The following COQ8A variants were observed in gnomAD, a reference collection of about 807,000 sequenced individuals.
The protein encoded by COQ8A is atypical kinase COQ8A, mitochondrial.
A neutral mutation model predicts 65.0 loss-of-function variants in COQ8A; 51 were observed. That is an observed-to-expected ratio of 0.78 (90% CI 0.63 to 0.99). The LOEUF (loss-of-function observed/expected upper bound fraction) is 0.99, where lower values mean the gene tolerates loss of function less well. COQ8A is among the 50% of genes least tolerant of loss of function. The pLI, the probability that COQ8A is intolerant of heterozygous loss-of-function variation, is 0.00. For synonymous variants in COQ8A, 371 were observed against 353.2 expected (o/e 1.05, Z -0.57); for missense variants, 940 against 875.0 (o/e 1.07, Z -0.94).
chr1:226,982,767 AG>A lies in COQ8A; in HGVS notation c.939+6del, dbSNP rs1426499910. ...CATGCCACTGAAGCAGATGATGGTG[AG>A]GAGCCAGGGGCTCTGCCCACTCTCT... is the stretch of plus-strand genomic sequence containing the variant. On this transcript the variant is annotated splice_donor_5th_base_variant and intron_variant, in intron 7 of 14. Transcript: ENST00000366777. 1 of 1,613,512 alleles carries A rather than the reference AG, an allele frequency of 6.2e-7. No homozygotes were observed. The highest frequency in any genetic ancestry group is 8.5e-7 in the Non-Finnish European group (1 of 1,179,986).
intron 4 of COQ8A, among the ~76,000 whole-genome samples, chr1:226,975,255 T>TGTA (rs1442080185): frequency 6.6e-6 from 1 of 152,168 alleles, no homozygotes; most frequent in African/African-American, 2.4e-5. Flanking sequence ...AAAGAGCTGA[T>TGTA]GTACCTGCCA....
Position 226,949,067 on chromosome 1 carries a change from A to T in COQ8A, c.-10+8668A>T, listed in dbSNP as rs1657212894. Among the ~76,000 whole-genome samples, 1 of 152,016 alleles carries T rather than the reference A, an allele frequency of 6.6e-6. No individual in the cohort carries two copies. Among genetic ancestry groups the T allele is most frequent in the South Asian group, 2.1e-4 (1 of 4,794 alleles). ...AGGGCAGAGCTGATTCCCAGCCCCAAGGCCCCAAGGCCCTCACCCTTGGCT... is the reference window on the plus strand; with the variant it reads ...AGGGCAGAGCTGATTCCCAGCCCCATGGCCCCAAGGCCCTCACCCTTGGCT... On this transcript the variant is annotated intron_variant, in intron 1 of 14. Transcript: ENST00000366777. The surrounding 1 kb of genome is among the most constrained non-coding windows in gnomAD (Gnocchi z 4.0).
At chr1:226,944,730 AGAGAGAGAGAGAGAGAGAGT>A (rs1558176575) in intron 1 of COQ8A, among the ~76,000 whole-genome samples, 196 of 30,960 alleles carry the variant, frequency 6.3e-3, no homozygotes, top group African/African-American at 0.011. Context: ...AGAGAGAGAG[AGAGAGAGAGAGAGAGAGAGT>A]GAGAGAGAGA....
intron 8 of COQ8A, 35 bp downstream of exon 8, chr1:226,983,069 G>A (rs950274116): frequency 2.6e-6 from 4 of 1,557,460 alleles, no homozygotes; most frequent in African/African-American, 1.4e-5. Context: ...TGTCCCTATG[G>A]GGGCTGCAAG....
At chr1:226,958,530 G>A (rs1013684422) in intron 1 of COQ8A, among the ~76,000 whole-genome samples, 2 of 152,176 alleles carry the variant, frequency 1.3e-5, no homozygotes, top group African/African-American at 2.4e-5. Flanking sequence ...GGCATGCCAC[G>A]CTGCCATGAG....
At chr1:226,950,501 C>T (rs144233494) in intron 1 of COQ8A, among the ~76,000 whole-genome samples, 4 of 152,334 alleles carry the variant, frequency 2.6e-5, no homozygotes, top group South Asian at 4.1e-4. Context: ...TGTGTGACTT[C>T]GGGCAAATTA....
At chr1:226,948,883 A>C (rs1426054497) in intron 1 of COQ8A, among the ~76,000 whole-genome samples, 1 of 152,198 alleles carries the variant, frequency 6.6e-6, no homozygotes, top group Non-Finnish European at 1.5e-5. Flanking sequence ...CTGAATAGGA[A>C]TACGTTCTTG....
At chr1:226,983,991 C>T (rs908262644) in intron 10 of COQ8A, 103 bp from the exon 11 acceptor site, 2 of 1,567,016 alleles carry the variant, frequency 1.3e-6, no homozygotes, top group Non-Finnish European at 1.7e-6. Context: ...CCATATCCTG[C>T]CTGGGGTGAA....
chr1:226,982,242 A>C (rs1558205388), intron 6 of COQ8A, 93 bp downstream of exon 6: 4 of 1,500,358 alleles, frequency 2.7e-6, no homozygotes, highest in Non-Finnish European at 3.6e-6. Context: ...ACCAAAGCTC[A>C]GTGGGCAAGA....
At chr1:226,978,250 TACAC>T (rs1659395061) in intron 5 of COQ8A, among the ~76,000 whole-genome samples, 1 of 78,854 alleles carries the variant, frequency 1.3e-5, no homozygotes, top group South Asian at 4.6e-4. Flanking sequence ...CACACCTGCT[TACAC>T]AGCCTCCGCA....
intron 5 of COQ8A, among the ~76,000 whole-genome samples, chr1:226,980,639 G>A (rs2148120292): frequency 6.6e-6 from 1 of 152,336 alleles, no homozygotes; most frequent in Middle Eastern, 3.4e-3. Flanking sequence ...TCTTGGACTC[G>A]CTCTGCCCAT....
intron 1 of COQ8A, among the ~76,000 whole-genome samples, chr1:226,960,351 G>A (rs865907146): frequency 1.3e-3 from 17 of 13,096 alleles, no homozygotes; most frequent in African/African-American, 1.5e-3. Context: ...GGTGGTGGTG[G>A]TGGTGGTGCT....
chr1:226,979,313 C>T (rs1048239225), intron 5 of COQ8A, among the ~76,000 whole-genome samples: 1 of 152,200 alleles, frequency 6.6e-6, no homozygotes, highest in African/African-American at 2.4e-5. Context: ...CGCACTGAGT[C>T]CCTGCCGCCT....
In COQ8A at chr1:226,986,444, T is replaced by C. The variant is rs7552783; in HGVS notation, c.1660-9T>C. On this transcript the variant is annotated splice_polypyrimidine_tract_variant and intron_variant, in intron 14 of 14. Coordinates refer to ENST00000366777, the MANE Select transcript of COQ8A (RefSeq NM_020247.5). Reference sequence around the variant, plus strand: ...CTCGCCGCCATTTATCCTTCCTCTCTTGCCCCAGGTCATGGAAGACGCCCA... The same window carrying C: ...CTCGCCGCCATTTATCCTTCCTCTCCTGCCCCAGGTCATGGAAGACGCCCA... 756,205 of 1,610,268 alleles carry C rather than the reference T, an allele frequency of 0.47. 183,384 individuals are homozygous for C. Among genetic ancestry groups the C allele is most frequent in the Non-Finnish European group, 0.51 (599,985 of 1,179,314 alleles).
At chr1:226,961,780 C>T (rs1658271135) in intron 2 of COQ8A, among the ~76,000 whole-genome samples, 1 of 152,216 alleles carries the variant, frequency 6.6e-6, no homozygotes, top group Non-Finnish European at 1.5e-5. Flanking sequence ...GTGGCTTAAA[C>T]AATGCACGCT....
chr1:226,984,816 C>T, intron 12 of COQ8A, 60 bp from the exon 13 acceptor site: 1 of 1,581,812 alleles, frequency 6.3e-7, no homozygotes, highest in Non-Finnish European at 8.7e-7. Context: ...CCTTCCCGGC[C>T]CCACACACCC....
At chr1:226,978,295 ACCCT>A (rs1284689218) in intron 5 of COQ8A, among the ~76,000 whole-genome samples, 15 of 131,586 alleles carry the variant, frequency 1.1e-4, no homozygotes, top group African/African-American at 3.4e-4. Flanking sequence ...CTCCTTACAC[ACCCT>A]CCACCCACCC....
chr1:226,947,872 C>T (rs1281991448), intron 1 of COQ8A, among the ~76,000 whole-genome samples: 4 of 152,012 alleles, frequency 2.6e-5, no homozygotes, highest in Non-Finnish European at 4.4e-5. Flanking sequence ...AACAGGACTC[C>T]GTCATTAAGA....
intron 1 of COQ8A, among the ~76,000 whole-genome samples, chr1:226,948,755 T>C (rs975870099): frequency 2.6e-5 from 4 of 151,990 alleles, no homozygotes; most frequent in African/African-American, 9.7e-5. Context: ...GCTTATAGTT[T>C]GAAGAGAAGA....
Sources: allele counts gnomAD v4.1 joint callset (sites outside exome capture counted in the v4.1 genomes callset), GRCh38; gene constraint gnomAD v4.1.1; non-coding constraint Gnocchi (gnomAD v3.1); transcripts MANE v1.5; gene names NCBI Gene and HGNC (gene_info 2026-07-23, HGNC 2026-07-21).